The following RPP30 variants were observed in gnomAD, a reference collection of about 807,000 sequenced individuals.
The protein encoded by RPP30 is ribonuclease P protein subunit p30.
A neutral mutation model predicts 38.6 loss-of-function variants in RPP30; 36 were observed. That is an observed-to-expected ratio of 0.93 (90% CI 0.71 to 1.23). RPP30 has a LOEUF of 1.23. Among genes scored for constraint, RPP30 ranks in the 50% most tolerant of loss-of-function variants. RPP30 has a pLI of 0.00. For synonymous variants in RPP30, 126 were observed against 112.7 expected, an observed-to-expected ratio of 1.12 and a Z score of -0.75; for missense variants, 321 against 321.7, an observed-to-expected ratio of 1.00 and a Z score of 0.02.
In RPP30 at chr10:90,879,130, T is replaced by C. The variant is rs1304733241; in HGVS notation, c.338T>C (p.Phe113Ser). Residue 113 changes from phenylalanine (F) to serine (S), a missense_variant, in exon 5 of 11, where the codon TTT becomes TCT. Physicochemically the swap from Phe to Ser is radical, Grantham distance 155 (BLOSUM62 -2). Coordinates refer to ENST00000371703, the MANE Select transcript of RPP30 (RefSeq NM_006413.5). Reference protein sequence around the residue: ...VAVFPKTEKLFHIACTHLDVD... With the variant: ...VAVFPKTEKLSHIACTHLDVD... ...GTTTTTCCAAAGACAGAAAAGCTTT[T>C]TCATGTGAGTAACAGATAAGTAAAA... The C allele has an allele frequency of 1.2e-6, 2 of 1,612,644 alleles. No homozygotes were observed. The highest frequency in any genetic ancestry group is 2.7e-5 in the African/African-American group (2 of 74,888).
chr10:90,893,557 T>C (rs1400701577), intron 6 of RPP30, among the ~76,000 whole-genome samples: 1 of 152,212 alleles, frequency 6.6e-6, no homozygotes, highest in Non-Finnish European at 1.5e-5. Flanking sequence ...TCACCAGCTC[T>C]AAAGGCCTGC....
At chr10:90,884,118 T>G (rs1467775957) in intron 5 of RPP30, among the ~76,000 whole-genome samples, 1 of 152,156 alleles carries the variant, frequency 6.6e-6, no homozygotes, top group Non-Finnish European at 1.5e-5. Context: ...AATTGAGGGA[T>G]GTTTAATTGT....
chr10:90,900,757 G>A lies in RPP30; in HGVS notation c.*78G>A. ...CAGCCACAACAAAAATAAAACCTTT[G>A]TGTGATTTACTGTTTTCATTTGGAG... On this transcript the variant is annotated 3_prime_UTR_variant, in exon 11 of 11. Coordinates refer to ENST00000371703, the MANE Select transcript of RPP30 (RefSeq NM_006413.5). The A allele has an allele frequency of 1.3e-6, 2 of 1,515,238 alleles. No homozygotes were observed. The highest frequency in any genetic ancestry group is 1.4e-5 in the African/African-American group (1 of 71,570). The allele number at this position is 1,515,238 out of a possible 1,614,324, so 93.9% of individuals were successfully genotyped here.
intron 5 of RPP30, among the ~76,000 whole-genome samples, chr10:90,881,946 G>GAAAAGGGAAGAAAGGA (rs1846934395): frequency 5.9e-5 from 9 of 152,164 alleles, no homozygotes; most frequent in African/African-American, 2.2e-4. Context: ...ATTTCCATGG[G>GAAAAGGGAAGAAAGGA]ACATAATATA....
At chr10:90,907,346 A>G (rs1251767259), downstream of RPP30, among the ~76,000 whole-genome samples, 1 of 152,228 alleles carries the variant, frequency 6.6e-6, no homozygotes, top group Non-Finnish European at 1.5e-5. Context: ...AGGGGCCAAC[A>G]AACAAGATTG....
chr10:90,903,272 A>G, downstream of RPP30: 1 of 1,597,838 alleles, frequency 6.3e-7, no homozygotes, highest in Non-Finnish European at 8.6e-7. Flanking sequence ...ACCCTTCTTT[A>G]AAAGGTTGGT....
intron 10 of RPP30, 75 bp downstream of exon 10, chr10:90,896,467 A>T: frequency 8.7e-7 from 1 of 1,155,774 alleles, no homozygotes; most frequent in Admixed American, 1.7e-5. Context: ...ACCTATTTTT[A>T]TTGCCCTACC....
At chr10:90,878,497 A>G (rs931231342) in intron 4 of RPP30, among the ~76,000 whole-genome samples, 2 of 144,552 alleles carry the variant, frequency 1.4e-5, no homozygotes, top group Non-Finnish European at 3.1e-5. Context: ...CTTCTTCTTC[A>G]TTTTTTTTTT....
At position 90,901,855 on chromosome 10, in the gene RPP30, G is replaced by A; in HGVS notation, c.*1176G>A. ...TTTTTTTTTGAGACAGTCTCGCTCT[G>A]TCCCCCAGGCTGGAGTGCAGTGGCT... On this transcript the variant is annotated 3_prime_UTR_variant, in exon 11 of 11. Transcript: ENST00000371703. The A allele has an allele frequency of 1.1e-6, 1 of 873,596 alleles. No individual in the cohort carries two copies. The highest frequency in any genetic ancestry group is 1.4e-6 in the Non-Finnish European group (1 of 737,026). The allele number at this position is 873,596 out of a possible 1,614,324, so 54.1% of individuals were successfully genotyped here.
chr10:90,896,182 T>C (rs1427775677), intron 9 of RPP30, 131 bp from the exon 10 acceptor site: 1 of 762,062 alleles, frequency 1.3e-6, no homozygotes, highest in Non-Finnish European at 2.2e-6. Context: ...CATGTTCCAG[T>C]TGGACTAAGA....
At chr10:90,904,142 G>T (rs1847229828), downstream of RPP30, among the ~76,000 whole-genome samples, 1 of 152,148 alleles carries the variant, frequency 6.6e-6, no homozygotes, top group African/African-American at 2.4e-5. Context: ...ATATTACAGA[G>T]TATAACAAAA....
At chr10:90,900,521 A>G in intron 10 of RPP30, 49 bp from the exon 11 acceptor site, 1 of 1,564,838 alleles carries the variant, frequency 6.4e-7, no homozygotes, top group African/African-American at 1.4e-5. Context: ...ACCTCATTTT[A>G]AATTATGTCT....
At chr10:90,873,870 C>G (rs1400975723) in intron 1 of RPP30, among the ~76,000 whole-genome samples, 1 of 152,064 alleles carries the variant, frequency 6.6e-6, no homozygotes, top group Non-Finnish European at 1.5e-5. Flanking sequence ...ACCCCTACAC[C>G]AGGTTTCACT....
At chr10:90,884,868 TTGTC>T (rs1261985415) in intron 5 of RPP30, among the ~76,000 whole-genome samples, 2 of 152,230 alleles carry the variant, frequency 1.3e-5, no homozygotes, top group African/African-American at 4.8e-5. Context: ...AAGTTTGAAT[TTGTC>T]TGTCAAGCCT....
At chr10:90,878,752 C>T (rs893487314) in intron 4 of RPP30, among the ~76,000 whole-genome samples, 3 of 152,172 alleles carry the variant, frequency 2.0e-5, no homozygotes, top group African/African-American at 7.2e-5. Context: ...GTCGGCCTCC[C>T]AAAGTGCTGG....
At chr10:90,899,667 T>C (rs148647803) in intron 10 of RPP30, among the ~76,000 whole-genome samples, 87 of 152,328 alleles carry the variant, frequency 5.7e-4, no homozygotes, top group Middle Eastern at 3.4e-3. Flanking sequence ...CTTATCTTTC[T>C]CTCCATGCCT....
rs748497075 is a variant in RPP30 at position 90,896,359 on chromosome 10, TCCA to T, written c.668_670del (p.Thr223del). ...TGAAAGTGACGCCAAGGCTGCGGTG[TCCA>T]CCAACTGCCGAGCAGCGCTTCTCCA... is the stretch of plus-strand genomic sequence containing the variant. On this transcript the variant is annotated inframe_deletion, in exon 10 of 11. Transcript: ENST00000371703. 6.2e-7 allele frequency: 1 copy of T among 1,614,130 alleles called. No homozygotes were observed. Among genetic ancestry groups the T allele is most frequent in the East Asian group, 2.2e-5 (1 of 44,884 alleles).
chr10:90,872,178 C>T lies in RPP30; in HGVS notation c.82+110C>T, dbSNP rs142941577. The T allele has an allele frequency of 1.2e-4, 112 of 936,348 alleles. No individual in the cohort carries two copies. In the African/African-American group the frequency reaches 1.5e-3, roughly 12 times the overall value. 58.0% of individuals were successfully genotyped at this position (936,348 alleles called of 1,614,324 possible). A position where few individuals can be genotyped will look rare whatever the true frequency, so the allele number is the denominator to read the frequency against. ...GTCTCGGTCAGGTCTCCCAGAGTCT[C>T]TGGGATGTCCCTGGAGGCTGATGCC... On this transcript the variant is annotated intron_variant, in intron 1 of 10. Coordinates refer to ENST00000371703, the MANE Select transcript of RPP30 (RefSeq NM_006413.5).
chr10:90,903,871 A>G (rs1295135899), downstream of RPP30, among the ~76,000 whole-genome samples: 2 of 152,192 alleles, frequency 1.3e-5, no homozygotes, highest in Admixed American at 6.5e-5. Flanking sequence ...AAGAAAACTT[A>G]ATGAAAGTAA....
Sources: allele counts gnomAD v4.1 joint callset (sites outside exome capture counted in the v4.1 genomes callset), GRCh38; gene constraint gnomAD v4.1.1; transcripts MANE v1.5; gene names NCBI Gene and HGNC (gene_info 2026-07-23, HGNC 2026-07-21).